Variants in PREX2 observed in about 807,000 individuals in gnomAD.
PREX2 encodes the protein phosphatidylinositol 3,4,5-trisphosphate-dependent Rac exchanger 2 protein.
In PREX2, 107 loss-of-function variants were observed where a neutral mutation model predicts 203.2. That is an observed-to-expected ratio of 0.53 (90% confidence interval 0.45 to 0.62). PREX2 has a LOEUF of 0.62. PREX2 is among the 20% of genes least tolerant of loss of function. The probability of loss-of-function intolerance (pLI) is 0.00; values close to 1 mark genes in which losing one functional copy is unlikely to be tolerated. For synonymous variants in PREX2, 672 were observed against 663.6 expected (o/e 1.01, Z -0.19); for missense variants, 1,777 against 1,955.9 (o/e 0.91, Z 1.72).
rs569655470 is a variant in PREX2 at position 68,086,203 on chromosome 8, C to G, written c.2028-1521C>G. ...TACAGATAACTTCATAGTGTATAAC[C>G]TAATTTATAATAATACTTTCAAGTT... On this transcript the variant is annotated intron_variant, in intron 18 of 39. Coordinates refer to ENST00000288368, the MANE Select transcript of PREX2 (RefSeq NM_024870.4). Among the ~76,000 whole-genome samples, 35 of 152,234 alleles carry G rather than the reference C, an allele frequency of 2.3e-4. 1 individual carries two copies. The East Asian group carries it at 6.2e-3, about 27-fold the overall frequency.
intron 14 of PREX2, among the ~76,000 whole-genome samples, chr8:68,076,192 C>CA (rs1261744058): frequency 6.6e-6 from 1 of 152,316 alleles, no homozygotes; most frequent in African/African-American, 2.4e-5. Context: ...CACAGTGGTT[C>CA]ACGCCTGTAA....
intron 30 of PREX2, among the ~76,000 whole-genome samples, 179 bp from the exon 31 acceptor site, chr8:68,127,194 AATATT>A (rs1330578604): frequency 6.6e-6 from 1 of 152,158 alleles, no homozygotes; most frequent in Non-Finnish European, 1.5e-5. Context: ...TTTATTATCT[AATATT>A]AGGTTGGTGC....
intron 8 of PREX2, among the ~76,000 whole-genome samples, chr8:68,047,488 T>TATATATATAC (rs1808395769): frequency 4.5e-5 from 5 of 110,362 alleles, no homozygotes; most frequent in African/African-American, 2.0e-4. Flanking sequence ...TATATATATA[T>TATATATATAC]ATATATATAT....
At chr8:68,037,723 A>G (rs1808073844) in intron 6 of PREX2, among the ~76,000 whole-genome samples, 1 of 152,134 alleles carries the variant, frequency 6.6e-6, no homozygotes, top group Non-Finnish European at 1.5e-5. Flanking sequence ...GGGTGGATAT[A>G]TAAATTGAGA....
chr8:68,227,096 G>A (rs1813070842), intron 39 of PREX2, among the ~76,000 whole-genome samples: 1 of 152,176 alleles, frequency 6.6e-6, no homozygotes, highest in South Asian at 2.1e-4. Context: ...CAATAGGGAG[G>A]CATGCATAAG....
At chr8:68,048,930 G>C (rs1450565346) in intron 8 of PREX2, among the ~76,000 whole-genome samples, 2 of 151,824 alleles carry the variant, frequency 1.3e-5, no homozygotes, top group Non-Finnish European at 2.9e-5. Flanking sequence ...GCATAAGCTG[G>C]ATTGAGTATG....
chr8:68,081,933 G>C (rs1809542535), intron 17 of PREX2, among the ~76,000 whole-genome samples: 1 of 151,484 alleles, frequency 6.6e-6, no homozygotes, highest in Admixed American at 6.6e-5. Flanking sequence ...CTGACCTTAA[G>C]TGATCTGCCC....
At chr8:68,081,745 A>G (rs1035367536) in intron 17 of PREX2, among the ~76,000 whole-genome samples, 9 of 152,138 alleles carry the variant, frequency 5.9e-5, no homozygotes, top group Non-Finnish European at 1.0e-4. Context: ...CCCAGGCTAG[A>G]GTCCAGTGGC....
chr8:68,076,091 C>A (rs1585762652), intron 14 of PREX2, among the ~76,000 whole-genome samples: 1 of 152,156 alleles, frequency 6.6e-6, no homozygotes, highest in East Asian at 1.9e-4. Context: ...AAAAGCCCAA[C>A]AGAGAATTTT....
chr8:67,983,274 T>C (rs1411215057), intron 1 of PREX2, among the ~76,000 whole-genome samples: 1 of 152,282 alleles, frequency 6.6e-6, no homozygotes, highest in African/African-American at 2.4e-5. Context: ...TGTTTTACCT[T>C]GGCCCTGCCC....
intron 8 of PREX2, among the ~76,000 whole-genome samples, chr8:68,051,003 G>C (rs1313084202): frequency 6.6e-6 from 1 of 152,144 alleles, no homozygotes; most frequent in East Asian, 1.9e-4. Flanking sequence ...TCTACATGTA[G>C]TTTTGACTTG....
intron 35 of PREX2, among the ~76,000 whole-genome samples, chr8:68,167,491 C>T (rs927405620): frequency 6.6e-6 from 1 of 151,966 alleles, no homozygotes; most frequent in Non-Finnish European, 1.5e-5. Flanking sequence ...GCCACCATGC[C>T]CAGCTAATTT....
intron 4 of PREX2, among the ~76,000 whole-genome samples, chr8:68,024,564 A>C (rs28792197): frequency 0.18 from 26,733 of 151,798 alleles, 3,076 homozygotes; most frequent in African/African-American, 0.32. Context: ...ATGTCTCTAG[A>C]AGATGGCATA....
At chr8:68,199,703 A>C (rs1390010557) in intron 37 of PREX2, among the ~76,000 whole-genome samples, 1 of 152,236 alleles carries the variant, frequency 6.6e-6, no homozygotes, top group Non-Finnish European at 1.5e-5. Context: ...TTATTCAGGT[A>C]ACTACCAATT....
At chr8:67,965,796 C>T (rs1312157576) in intron 1 of PREX2, among the ~76,000 whole-genome samples, 2 of 152,078 alleles carry the variant, frequency 1.3e-5, no homozygotes, top group African/African-American at 4.8e-5. Context: ...TAGCTAGAGA[C>T]ATTTTCCTCA....
intron 35 of PREX2, among the ~76,000 whole-genome samples, chr8:68,190,823 A>G (rs78315000): frequency 0.032 from 4,933 of 152,044 alleles, 115 homozygotes; most frequent in Non-Finnish European, 0.05. Flanking sequence ...AAAAAAATAG[A>G]TACTAGATCA....
At position 68,090,712 on chromosome 8, in the gene PREX2, G is replaced by A. The variant is rs1448088259; in HGVS notation, c.2247G>A (p.Thr749=). ...CCTGCAGGAAGTACAGGCGGCCAACGAAGGTAAGTGGCCCTTCAGATAATC... is the reference window on the plus strand; with the variant it reads ...CCTGCAGGAAGTACAGGCGGCCAACAAAGGTAAGTGGCCCTTCAGATAATC... ...VTACRKYRRP[T]KQDSIQWVYN... The change falls in exon 20 of 40, where the codon ACG becomes ACA. Residue 749 remains threonine (T), a synonymous_variant. Transcript: ENST00000288368. The A allele has an allele frequency of 1.4e-5, 23 of 1,612,954 alleles. No individual in the cohort carries two copies. Among genetic ancestry groups the A allele is most frequent in the South Asian group, 2.2e-5 (2 of 91,016 alleles).
At chr8:68,121,513 A>C (rs1016308418) in intron 30 of PREX2, among the ~76,000 whole-genome samples, 1 of 152,148 alleles carries the variant, frequency 6.6e-6, no homozygotes, top group African/African-American at 2.4e-5. Context: ...GATTGCTATT[A>C]ACTACCATAA....
intron 30 of PREX2, among the ~76,000 whole-genome samples, chr8:68,122,952 A>G (rs186011190): frequency 2.0e-5 from 3 of 152,152 alleles, no homozygotes; most frequent in East Asian, 1.9e-4. Flanking sequence ...TGTATGTGCC[A>G]TGTGGTGATG....
Sources: gnomAD v4.1 joint callset for allele counts (sites outside exome capture counted in the v4.1 genomes callset) on GRCh38, gnomAD v4.1.1 for gene constraint, MANE v1.5 for transcripts, NCBI Gene and HGNC (gene_info 2026-07-23, HGNC 2026-07-21) for gene names.